The following LRP1B variants were observed in gnomAD, a reference collection of about 807,000 sequenced individuals.
LRP1B encodes low-density lipoprotein receptor-related protein 1B.
LRP1B carries 217 observed loss-of-function variants against 556.6 expected under a neutral mutation model. That is an observed-to-expected ratio of 0.39 (90% CI 0.35 to 0.44). The LOEUF (loss-of-function observed/expected upper bound fraction) is 0.44, where lower values mean the gene tolerates loss of function less well. Ranked by LOEUF, LRP1B falls within the 20% of genes least tolerant of loss-of-function variation. The pLI is 1.00. For missense variants in LRP1B, 5,053 were observed against 5,620.8 expected, an observed-to-expected ratio of 0.90 and a Z score of 3.23; for synonymous variants, 2,047 against 1,865.8, an observed-to-expected ratio of 1.10 and a Z score of -2.50.
At chr2:141,309,801 C>T (rs1163967737) in intron 3 of LRP1B, among the ~76,000 whole-genome samples, 3 of 151,904 alleles carry the variant, frequency 2.0e-5, no homozygotes, top group South Asian at 2.1e-4. Flanking sequence ...ATGTAACAAA[C>T]CTGCACGTTC....
chr2:140,603,156 GTC>G (rs1682739301), intron 41 of LRP1B, among the ~76,000 whole-genome samples: 1 of 151,978 alleles, frequency 6.6e-6, no homozygotes, highest in Non-Finnish European at 1.5e-5. Context: ...ACCATAGATA[GTC>G]TCCTCTCACA....
chr2:140,541,734 A>G, intron 44 of LRP1B, 45 bp downstream of exon 44: 1 of 1,416,756 alleles, frequency 7.1e-7, no homozygotes, highest in Non-Finnish European at 9.8e-7. Flanking sequence ...TAGAGATCAG[A>G]GATTATACAA....
intron 1 of LRP1B, among the ~76,000 whole-genome samples, chr2:141,848,250 G>A (rs1171262864): frequency 6.6e-6 from 1 of 151,562 alleles, no homozygotes; most frequent in Admixed American, 6.6e-5. Flanking sequence ...CTATAGGTGT[G>A]TAATTCCAAC....
At chr2:140,995,506 G>C (rs1372199112) in intron 15 of LRP1B, among the ~76,000 whole-genome samples, 1 of 151,996 alleles carries the variant, frequency 6.6e-6, no homozygotes, top group East Asian at 1.9e-4. Context: ...TTTATGCTGG[G>C]TGTGTAGTTT....
chr2:141,983,357 A>G (rs1257701987), intron 1 of LRP1B, among the ~76,000 whole-genome samples: 1 of 152,164 alleles, frequency 6.6e-6, no homozygotes. Flanking sequence ...TCCCCAATAC[A>G]TGATTTAATT....
chr2:140,562,558 C>A (rs546925303), intron 43 of LRP1B, among the ~76,000 whole-genome samples: 6 of 152,188 alleles, frequency 3.9e-5, no homozygotes, highest in African/African-American at 1.4e-4. Context: ...TAATAATTTT[C>A]TCTCTATATT....
chr2:140,487,505 C>A, intron 58 of LRP1B, 112 bp downstream of exon 58: 1 of 984,010 alleles, frequency 1.0e-6, no homozygotes. Flanking sequence ...GAAATTGAAA[C>A]CACCCTAATG....
At chr2:141,533,461 G>C (rs1418679204) in intron 2 of LRP1B, among the ~76,000 whole-genome samples, 1 of 152,148 alleles carries the variant, frequency 6.6e-6, no homozygotes, top group Non-Finnish European at 1.5e-5. Flanking sequence ...GCACACAGGT[G>C]CATTTAGGTA....
intron 1 of LRP1B, among the ~76,000 whole-genome samples, chr2:141,862,657 T>C (rs1698285562): frequency 6.6e-6 from 1 of 152,168 alleles, no homozygotes; most frequent in Non-Finnish European, 1.5e-5. Context: ...TCCACCTGCA[T>C]TGGCCTCCCA....
chr2:141,742,376 C>T (rs1408470998), intron 2 of LRP1B, among the ~76,000 whole-genome samples: 2 of 151,706 alleles, frequency 1.3e-5, no homozygotes, highest in African/African-American at 2.4e-5. Flanking sequence ...CTCAGCCTCT[C>T]GAGTAGCTGG....
At chr2:140,874,622 T>G (rs1302698762) in intron 25 of LRP1B, among the ~76,000 whole-genome samples, 1 of 148,242 alleles carries the variant, frequency 6.7e-6, no homozygotes, top group East Asian at 1.9e-4. Context: ...AGATTAATTT[T>G]TCTTTTTTTT....
intron 71 of LRP1B, among the ~76,000 whole-genome samples, chr2:140,369,040 A>T (rs1682877197): frequency 1.3e-5 from 2 of 151,928 alleles, no homozygotes; most frequent in East Asian, 3.9e-4. Flanking sequence ...AGTCATTAAG[A>T]TTAAATATTT....
chr2:141,189,016 A>C (rs1681380862), intron 6 of LRP1B, among the ~76,000 whole-genome samples: 1 of 152,000 alleles, frequency 6.6e-6, no homozygotes, highest in African/African-American at 2.4e-5. Context: ...TTTTATTAAA[A>C]GAAGGAAAGG....
chr2:140,972,535 C>T (rs1696459088), intron 18 of LRP1B, among the ~76,000 whole-genome samples: 1 of 152,024 alleles, frequency 6.6e-6, no homozygotes, highest in Admixed American at 6.6e-5. Flanking sequence ...AAACATCAAG[C>T]ATCTTTGATG....
At chr2:140,286,176 C>G (rs1055111670) in intron 84 of LRP1B, among the ~76,000 whole-genome samples, 4 of 151,846 alleles carry the variant, frequency 2.6e-5, no homozygotes, top group African/African-American at 9.7e-5. Flanking sequence ...CCTTGGAAAG[C>G]AGGGCACTAT....
chr2:141,829,784 G>A (rs1363565145), intron 1 of LRP1B, among the ~76,000 whole-genome samples: 2 of 151,854 alleles, frequency 1.3e-5, no homozygotes, highest in Non-Finnish European at 2.9e-5. Context: ...TATCTTCAAC[G>A]AAGTCTTAAA....
At chr2:141,487,889 G>A (rs542293713) in intron 2 of LRP1B, among the ~76,000 whole-genome samples, 42 of 152,192 alleles carry the variant, frequency 2.8e-4, no homozygotes, top group African/African-American at 9.1e-4. Flanking sequence ...GTCTAAACTC[G>A]CATAAAGTAC....
chr2:141,504,837 T>G (rs1401066807), intron 2 of LRP1B, among the ~76,000 whole-genome samples: 1 of 152,126 alleles, frequency 6.6e-6, no homozygotes, highest in East Asian at 1.9e-4. Context: ...AAATTAAAAT[T>G]AAGTAAGTGA....
At chr2:140,960,618 G>T (rs1696006238) in intron 18 of LRP1B, among the ~76,000 whole-genome samples, 1 of 151,832 alleles carries the variant, frequency 6.6e-6, no homozygotes, top group African/African-American at 2.4e-5. Context: ...AGGGTTAAAT[G>T]CAAGTGTAAG....
Sources: gnomAD v4.1 joint callset for allele counts (sites outside exome capture counted in the v4.1 genomes callset) on GRCh38, gnomAD v4.1.1 for gene constraint, MANE v1.5 for transcripts, NCBI Gene and HGNC (gene_info 2026-07-23, HGNC 2026-07-21) for gene names.